PTPRN2: variants seen among roughly 807,000 people sequenced by gnomAD.
The protein encoded by PTPRN2 is protein tyrosine phosphatase receptor type N2.
In PTPRN2, 74 loss-of-function variants were observed where a neutral mutation model predicts 118.8. That is an observed-to-expected ratio of 0.62 (90% CI 0.52 to 0.76). The LOEUF (loss-of-function observed/expected upper bound fraction) is 0.76, where lower values mean the gene tolerates loss of function less well. Among genes scored for constraint, PTPRN2 ranks in the 30% least tolerant of loss-of-function variants. The pLI is 0.00. For synonymous variants in PTPRN2, 641 were observed against 608.0 expected (o/e 1.05, Z -0.80); for missense variants, 1,481 against 1,394.4 (o/e 1.06, Z -0.99).
chr7:157,958,416 A>G (rs1801316378), intron 11 of PTPRN2, among the ~76,000 whole-genome samples: 1 of 152,200 alleles, frequency 6.6e-6, no homozygotes, highest in Non-Finnish European at 1.5e-5. Context: ...AGGCAAGAAA[A>G]ATAAGTAAAA....
chr7:158,018,582 C>T (rs1460378911), intron 11 of PTPRN2, among the ~76,000 whole-genome samples: 1 of 152,150 alleles, frequency 6.6e-6, no homozygotes, highest in Non-Finnish European at 1.5e-5. Flanking sequence ...GATCTCTTGT[C>T]CCACAGTGGC....
chr7:158,081,789 C>T (rs1812863050), intron 10 of PTPRN2, among the ~76,000 whole-genome samples: 1 of 152,172 alleles, frequency 6.6e-6, no homozygotes, highest in African/African-American at 2.4e-5. Flanking sequence ...ACTCTTTTGA[C>T]AGGAACCATT....
intron 12 of PTPRN2, among the ~76,000 whole-genome samples, chr7:157,723,494 C>T (rs1799360902): frequency 6.6e-6 from 1 of 152,222 alleles, no homozygotes; most frequent in Non-Finnish European, 1.5e-5. Context: ...ACCAGCATGT[C>T]ACTGCGCTCG....
At chr7:158,478,067 G>A (rs1820390338) in intron 2 of PTPRN2, among the ~76,000 whole-genome samples, 1 of 152,264 alleles carries the variant, frequency 6.6e-6, no homozygotes, top group South Asian at 2.1e-4. Context: ...AGAGCCAAGG[G>A]GTGGTAGGCA....
intron 3 of PTPRN2, among the ~76,000 whole-genome samples, chr7:158,252,246 G>A (rs907386722): frequency 7.9e-5 from 12 of 152,114 alleles, no homozygotes; most frequent in Admixed American, 5.2e-4. Flanking sequence ...TCACCTCTGC[G>A]GCGAGAATCA....
At chr7:158,580,360 T>C (rs1380447040) in intron 1 of PTPRN2, among the ~76,000 whole-genome samples, 2 of 152,292 alleles carry the variant, frequency 1.3e-5, no homozygotes, top group East Asian at 3.8e-4. Flanking sequence ...ATGATTAATA[T>C]GAAGTCCTTT....
chr7:157,966,196 T>A (rs1469546283), intron 11 of PTPRN2, among the ~76,000 whole-genome samples: 1 of 152,198 alleles, frequency 6.6e-6, no homozygotes, highest in African/African-American at 2.4e-5. Flanking sequence ...TGTTTTATTA[T>A]TTATGAAGCA....
intron 12 of PTPRN2, among the ~76,000 whole-genome samples, chr7:157,748,253 C>T (rs1202170429): frequency 1.5e-5 from 2 of 133,814 alleles, no homozygotes; most frequent in South Asian, 2.5e-4. Context: ...TAGGAGCTGC[C>T]CGGGTGATTC....
At chr7:158,250,634 G>A (rs1212171363) in intron 3 of PTPRN2, among the ~76,000 whole-genome samples, 1 of 152,136 alleles carries the variant, frequency 6.6e-6, no homozygotes, top group Admixed American at 6.5e-5. Flanking sequence ...TATAAGACAG[G>A]TATATTTTCT....
chr7:157,567,509 G>A (rs182145441), intron 21 of PTPRN2, among the ~76,000 whole-genome samples: 2 of 152,208 alleles, frequency 1.3e-5, no homozygotes, highest in East Asian at 1.9e-4. Context: ...AGCCATGGCT[G>A]TTGTTTTATC....
At chr7:158,008,473 G>A (rs187518886) in intron 11 of PTPRN2, among the ~76,000 whole-genome samples, 6 of 152,352 alleles carry the variant, frequency 3.9e-5, no homozygotes, top group East Asian at 3.9e-4. Flanking sequence ...TCCCGCGCGC[G>A]TGGTGGCGGC....
chr7:157,664,333 C>T (rs1050192627), intron 13 of PTPRN2, among the ~76,000 whole-genome samples: 5 of 152,366 alleles, frequency 3.3e-5, no homozygotes, highest in Middle Eastern at 3.4e-3. Context: ...CGAGAGCAGC[C>T]GCTGCCCGTA....
intron 11 of PTPRN2, among the ~76,000 whole-genome samples, chr7:157,904,683 G>A: frequency 6.6e-6 from 1 of 152,236 alleles, no homozygotes; most frequent in Non-Finnish European, 1.5e-5. Context: ...ACTTCACGCG[G>A]CCCTGTGTTC....
rs964865457 is a variant in PTPRN2 at position 157,671,203 on chromosome 7, G to A, written c.2001+11522C>T. Among the ~76,000 whole-genome samples the A allele has an allele frequency of 2.0e-5, 3 of 152,032 alleles. No homozygotes were observed. Among genetic ancestry groups the A allele is most frequent in the African/African-American group, 7.2e-5 (3 of 41,382 alleles). On this transcript the variant is annotated intron_variant, in intron 13 of 22. Coordinates refer to ENST00000389418, the MANE Select transcript of PTPRN2 (RefSeq NM_002847.5). The surrounding 1 kb of genome is among the most constrained non-coding windows in gnomAD (Gnocchi z 4.1). ...ATCGAGCATGTAAAGGTCCCCGGTG[G>A]GTGCTGTGGGTCTATTGGACAGACC...
At chr7:158,296,742 G>A (rs547019284) in intron 3 of PTPRN2, among the ~76,000 whole-genome samples, 9 of 152,328 alleles carry the variant, frequency 5.9e-5, no homozygotes, top group African/African-American at 2.2e-4. Context: ...CCTGTGAGGG[G>A]AATAAGGGAA....
At position 157,942,676 on chromosome 7, in the gene PTPRN2, C is replaced by A. The variant is rs79765428; in HGVS notation, c.1724-43939G>T. 9.0e-3 allele frequency among the ~76,000 whole-genome samples: 1,365 copies of A among 152,186 alleles called. 77 individuals carry two copies. The East Asian group carries it at 0.17, about 19-fold the overall frequency. On this transcript the variant is annotated intron_variant, in intron 11 of 22. Coordinates refer to ENST00000389418, the MANE Select transcript of PTPRN2 (RefSeq NM_002847.5). ...GTCTAAAAATGATGTGTATCCCCTC[C>A]CAGTCCCTCACTGTCTTTCCCCAGA...
intron 11 of PTPRN2, among the ~76,000 whole-genome samples, chr7:158,001,702 A>C (rs1214952773): frequency 2.0e-5 from 3 of 152,190 alleles, no homozygotes; most frequent in African/African-American, 7.2e-5. Context: ...ATCCGTGCTG[A>C]GAGCCCGGCA....
Position 158,015,546 on chromosome 7 carries a change from G to GCCCCTCA in PTPRN2, c.1723+65745_1723+65751dup, listed in dbSNP as rs1050458631. 6.7e-6 allele frequency among the ~76,000 whole-genome samples: 1 copy of GCCCCTCA among 149,892 alleles called. No individual in the cohort carries two copies. Among genetic ancestry groups the GCCCCTCA allele is most frequent in the African/African-American group, 2.5e-5 (1 of 40,666 alleles). The stretch of plus-strand genomic sequence containing the variant: ...AGACAGAAAGGTCCTCACCGCCCCC[G>GCCCCTCA]CCCCTCACCCCTGTATGTGCATCTG... On this transcript the variant is annotated intron_variant, in intron 11 of 22. Transcript: ENST00000389418. This position sits in a 1 kb window ranked among gnomAD's most constrained non-coding sequence, Gnocchi z 4.2.
intron 11 of PTPRN2, among the ~76,000 whole-genome samples, chr7:157,942,508 G>A (rs1010896596): frequency 6.6e-6 from 1 of 152,096 alleles, no homozygotes; most frequent in Admixed American, 6.5e-5. Context: ...AATACTCTTG[G>A]GAAGTATGCA....
Sources: gnomAD v4.1 joint callset for allele counts (sites outside exome capture counted in the v4.1 genomes callset) on GRCh38, gnomAD v4.1.1 for gene constraint, Gnocchi (gnomAD v3.1) non-coding constraint, MANE v1.5 for transcripts, NCBI Gene and HGNC (gene_info 2026-07-23, HGNC 2026-07-21) for gene names.